SRRM3: variants seen among roughly 807,000 people sequenced by gnomAD.
The protein encoded by SRRM3 is serine/arginine repetitive matrix 3, also known as serine/arginine repetitive matrix protein 3.
A neutral mutation model predicts 66.2 loss-of-function variants in SRRM3; 27 were observed. The observed-to-expected ratio is 0.41, with a 90% confidence interval of 0.30 to 0.56. The LOEUF (loss-of-function observed/expected upper bound fraction) is 0.56. Among genes scored for constraint, SRRM3 ranks in the 20% least tolerant of loss-of-function variants. The pLI is 0.32. For missense variants in SRRM3, 918 were observed against 991.9 expected (o/e 0.93, Z 1.00); for synonymous variants, 391 against 414.9 (o/e 0.94, Z 0.70).
intron 1 of SRRM3, among the ~76,000 whole-genome samples, chr7:76,214,888 C>T (rs1021650802): frequency 2.0e-5 from 3 of 152,050 alleles, no homozygotes; most frequent in African/African-American, 7.2e-5. Flanking sequence ...GGATTACAGA[C>T]ATGAGCCACT....
intron 2 of SRRM3, among the ~76,000 whole-genome samples, chr7:76,236,475 A>C (rs1214492962): frequency 6.6e-6 from 1 of 152,080 alleles, no homozygotes; most frequent in Non-Finnish European, 1.5e-5. Flanking sequence ...CTGGAGCCAC[A>C]TGGGGCCAGA....
rs545309080 is a variant in SRRM3, at chr7:76,225,137, G to A, written c.-39-9891G>A. ...CCATTTTACAGATGAGGAAACTGAG[G>A]CTCGGAGAAGTTTAATGACTTTTCC... On this transcript the variant is annotated intron_variant, in intron 1 of 14. Coordinates refer to ENST00000611745, the MANE Select transcript of SRRM3 (RefSeq NM_001110199.3). Among the ~76,000 whole-genome samples, 9 of 152,280 alleles carry A rather than the reference G, an allele frequency of 5.9e-5. No individual in the cohort carries two copies. In the East Asian group the frequency reaches 1.5e-3, roughly 26 times the overall value.
chr7:76,254,640 A>T (rs1400811133), intron 3 of SRRM3, among the ~76,000 whole-genome samples: 2 of 152,156 alleles, frequency 1.3e-5, no homozygotes, highest in Non-Finnish European at 2.9e-5. Context: ...TTTTGTAAAT[A>T]ACCTTCATCA....
At chr7:76,218,318 G>A (rs965600968) in intron 1 of SRRM3, among the ~76,000 whole-genome samples, 1 of 152,160 alleles carries the variant, frequency 6.6e-6, no homozygotes, top group Admixed American at 6.6e-5. Flanking sequence ...GCACCCTCCC[G>A]GGACACAGAG....
At chr7:76,226,918 A>G (rs986913468) in intron 1 of SRRM3, among the ~76,000 whole-genome samples, 1 of 152,136 alleles carries the variant, frequency 6.6e-6, no homozygotes, top group African/African-American at 2.4e-5. Context: ...AGTTAGTATT[A>G]CCCAGACTTC....
At chr7:76,274,650 A>G (rs1802297096) in intron 11 of SRRM3, among the ~76,000 whole-genome samples, 1 of 152,214 alleles carries the variant, frequency 6.6e-6, no homozygotes, top group African/African-American at 2.4e-5. Flanking sequence ...CACAGGGTGC[A>G]GCGGCAGAAC....
chr7:76,207,864 G>A (rs1289097112), intron 1 of SRRM3, among the ~76,000 whole-genome samples: 2 of 152,060 alleles, frequency 1.3e-5, no homozygotes, highest in South Asian at 2.1e-4. Context: ...GCAACAGAGC[G>A]GGGGACTCTG....
intron 1 of SRRM3, among the ~76,000 whole-genome samples, chr7:76,219,367 A>G (rs969847531): frequency 3.3e-5 from 5 of 152,154 alleles, no homozygotes; most frequent in Admixed American, 1.3e-4. Flanking sequence ...CCTGGGCTGC[A>G]TTACCTGTAC....
intron 1 of SRRM3, among the ~76,000 whole-genome samples, chr7:76,230,241 AC>A (rs1554604120): frequency 6.6e-6 from 1 of 152,198 alleles, no homozygotes; most frequent in Admixed American, 6.6e-5. Flanking sequence ...CTAAATACCT[AC>A]ATCTAACATG....
intron 9 of SRRM3, among the ~76,000 whole-genome samples, 167 bp from the exon 10 acceptor site, chr7:76,265,197 A>C (rs757988453): frequency 1.4e-4 from 21 of 152,202 alleles, no homozygotes; most frequent in Non-Finnish European, 1.9e-4. Context: ...TGCAGCCAGC[A>C]CCAACACTGC....
chr7:76,218,430 C>A (rs963621987), intron 1 of SRRM3, among the ~76,000 whole-genome samples: 16 of 152,020 alleles, frequency 1.1e-4, no homozygotes, highest in Non-Finnish European at 1.3e-4. Flanking sequence ...TCCACCCCAC[C>A]CCCATCTCCA....
At chr7:76,245,751 A>G (rs942692291) in intron 2 of SRRM3, among the ~76,000 whole-genome samples, 1 of 152,178 alleles carries the variant, frequency 6.6e-6, no homozygotes, top group African/African-American at 2.4e-5. Context: ...GCTGGAGTGC[A>G]GGGGCGCAAT....
chr7:76,286,637 G>C lies in SRRM3; in HGVS notation c.*794G>C, dbSNP rs1253717815. ...CCATGACTACTGCATGACAAGAGGT[G>C]GGGGGTACAGACCTCAGGTACATTT... On this transcript the variant is annotated 3_prime_UTR_variant, in exon 15 of 15. Transcript: ENST00000611745. The C allele has an allele frequency of 3.9e-5, 6 of 152,418 alleles. No individual in the cohort carries two copies. The highest frequency in any genetic ancestry group is 1.3e-4 in the Admixed American group (2 of 15,284). 9.4% of individuals were successfully genotyped at this position (152,418 alleles called of 1,614,324 possible).
intron 14 of SRRM3, among the ~76,000 whole-genome samples, chr7:76,284,965 G>A (rs2117127004): frequency 6.6e-6 from 1 of 152,304 alleles, no homozygotes; most frequent in Non-Finnish European, 1.5e-5. Flanking sequence ...ATTGCAGAGG[G>A]GACAGGGGAA....
chr7:76,280,464 C>CCCGCT (rs1356100769), intron 11 of SRRM3, among the ~76,000 whole-genome samples: 1 of 150,282 alleles, frequency 6.7e-6, no homozygotes, highest in African/African-American at 2.5e-5. Flanking sequence ...TGGCCCTGGC[C>CCCGCT]CCGCTCCCGG....
At chr7:76,256,722 T>C (rs1398514042) in intron 3 of SRRM3, among the ~76,000 whole-genome samples, 1 of 151,302 alleles carries the variant, frequency 6.6e-6, no homozygotes, top group Non-Finnish European at 1.5e-5. Flanking sequence ...TTTTCTTTTT[T>C]TTTTTTTTTG....
intron 1 of SRRM3, among the ~76,000 whole-genome samples, chr7:76,221,161 G>A (rs575624782): frequency 2.7e-5 from 4 of 148,710 alleles, no homozygotes; most frequent in South Asian, 4.4e-4. Context: ...GGGTACAAGC[G>A]ATTCTCCTGC....
intron 1 of SRRM3, among the ~76,000 whole-genome samples, chr7:76,217,745 A>G (rs1800605316): frequency 6.6e-6 from 1 of 152,202 alleles, no homozygotes; most frequent in Admixed American, 6.5e-5. Context: ...AAGATGTCCC[A>G]ATAATGAGGC....
intron 1 of SRRM3, among the ~76,000 whole-genome samples, chr7:76,206,061 G>T (rs1306433868): frequency 6.6e-6 from 1 of 152,144 alleles, no homozygotes; most frequent in African/African-American, 2.4e-5. Context: ...AGGCTGGAGT[G>T]CAGTGGCACA....
Sources: gnomAD v4.1 joint callset for allele counts (sites outside exome capture counted in the v4.1 genomes callset) on GRCh38, gnomAD v4.1.1 for gene constraint, MANE v1.5 for transcripts, NCBI Gene and HGNC (gene_info 2026-07-23, HGNC 2026-07-21) for gene names.